COL23A1: variants seen among roughly 807,000 people sequenced by gnomAD.
The protein encoded by COL23A1 is collagen type XXIII alpha 1 chain.
COL23A1 carries 97 observed loss-of-function variants against 99.3 expected under a neutral mutation model. The ratio of observed to expected loss-of-function variants is 0.98; its 90% confidence interval spans 0.83 to 1.16. The LOEUF is 1.16. COL23A1 is among the 50% of genes most tolerant of loss of function. The pLI, the probability that COL23A1 is intolerant of heterozygous loss-of-function variation, is 0.00. For missense variants in COL23A1, 762 were observed against 757.4 expected, an observed-to-expected ratio of 1.01 and a Z score of -0.07; for synonymous variants, 320 against 308.2, an observed-to-expected ratio of 1.04 and a Z score of -0.40.
chr5:178,584,265 C>T (rs1300489641), intron 1 of COL23A1, among the ~76,000 whole-genome samples: 1 of 152,048 alleles, frequency 6.6e-6, no homozygotes, highest in East Asian at 1.9e-4. Flanking sequence ...CCACTTCGGC[C>T]TCCCAAAGTG....
At chr5:178,489,623 A>C (rs1757820038) in intron 2 of COL23A1, among the ~76,000 whole-genome samples, 1 of 152,106 alleles carries the variant, frequency 6.6e-6, no homozygotes, top group South Asian at 2.1e-4. Context: ...AAGGCTGCGG[A>C]CTGTCAAAGA....
At chr5:178,523,201 T>C (rs201397035) in intron 2 of COL23A1, among the ~76,000 whole-genome samples, 1 of 77,618 alleles carries the variant, frequency 1.3e-5, no homozygotes, top group African/African-American at 4.6e-5. Context: ...TATATATATA[T>C]AGAGAGAGAG....
At chr5:178,345,727 G>A (rs372011307) in intron 2 of COL23A1, among the ~76,000 whole-genome samples, 146 of 151,340 alleles carry the variant, frequency 9.6e-4, no homozygotes, top group African/African-American at 3.2e-3. Context: ...GGGTTTCACC[G>A]TGTTAGCCAG....
chr5:178,428,351 G>A lies in COL23A1; in HGVS notation c.362-121432C>T, dbSNP rs1365155000. Among the ~76,000 whole-genome samples the A allele has an allele frequency of 6.6e-6, 1 of 152,232 alleles. No individual in the cohort carries two copies. The highest frequency in any genetic ancestry group is 1.5e-5 in the Non-Finnish European group (1 of 68,038). On this transcript the variant is annotated intron_variant, in intron 2 of 28. Coordinates refer to ENST00000390654, the MANE Select transcript of COL23A1 (RefSeq NM_173465.4). This position sits in a 1 kb window ranked among gnomAD's most constrained non-coding sequence, Gnocchi z 5.0. ...TCCCCTCTAGAACCTGCAGGACCAT[G>A]GAGCCAGCTCTTTGCACGAGGAGGA...
At chr5:178,336,374 G>T (rs1479700156) in intron 2 of COL23A1, among the ~76,000 whole-genome samples, 1 of 152,216 alleles carries the variant, frequency 6.6e-6, no homozygotes, top group African/African-American at 2.4e-5. Flanking sequence ...ACAAAACATG[G>T]TCTATCCATA....
chr5:178,586,543 C>T (rs550305679), intron 1 of COL23A1, among the ~76,000 whole-genome samples: 6 of 151,726 alleles, frequency 4.0e-5, no homozygotes, highest in South Asian at 2.1e-4. Flanking sequence ...GTGAAAGGAA[C>T]GCCCCAATCC....
At chr5:178,563,526 CTTTTTTT>C (rs779487808) in intron 1 of COL23A1, among the ~76,000 whole-genome samples, 1 of 83,230 alleles carries the variant, frequency 1.2e-5, no homozygotes, top group East Asian at 3.6e-4. Context: ...TCAGAACTCA[CTTTTTTT>C]TTTTTTTTTT....
chr5:178,550,577 C>T (rs1294154448), intron 2 of COL23A1, among the ~76,000 whole-genome samples: 2 of 152,086 alleles, frequency 1.3e-5, no homozygotes, highest in African/African-American at 2.4e-5. Context: ...AGTGATGTAT[C>T]GTATTTTTGT....
At chr5:178,259,002 C>T (rs1214607475) in intron 12 of COL23A1, among the ~76,000 whole-genome samples, 4 of 148,856 alleles carry the variant, frequency 2.7e-5, no homozygotes, top group South Asian at 2.1e-4. Flanking sequence ...CTGCAACCTT[C>T]GCTTCCTGGG....
At chr5:178,538,278 T>C (rs1034267174) in intron 2 of COL23A1, among the ~76,000 whole-genome samples, 1 of 152,200 alleles carries the variant, frequency 6.6e-6, no homozygotes, top group African/African-American at 2.4e-5. Context: ...AACGCCTCTC[T>C]ACCTAACTGG....
intron 2 of COL23A1, among the ~76,000 whole-genome samples, chr5:178,352,798 G>C (rs957969634): frequency 1.3e-5 from 2 of 152,210 alleles, no homozygotes; most frequent in Non-Finnish European, 2.9e-5. Flanking sequence ...CTGCTGAGAG[G>C]GGAGTCTCCG....
chr5:178,407,169 G>C (rs1479846585), intron 2 of COL23A1, among the ~76,000 whole-genome samples: 1 of 152,224 alleles, frequency 6.6e-6, no homozygotes, highest in East Asian at 1.9e-4. Flanking sequence ...GCCCCACCCA[G>C]CAAGGGTGGC....
intron 17 of COL23A1, among the ~76,000 whole-genome samples, chr5:178,250,905 C>G (rs1033195936): frequency 6.8e-6 from 1 of 148,112 alleles, no homozygotes; most frequent in African/African-American, 2.5e-5. Context: ...TGCTTGAACC[C>G]GGGAGACAGG....
intron 2 of COL23A1, among the ~76,000 whole-genome samples, chr5:178,541,360 G>A (rs551878418): frequency 6.6e-6 from 1 of 152,198 alleles, no homozygotes; most frequent in Non-Finnish European, 1.5e-5. Flanking sequence ...GGCCAAGGCG[G>A]GTGGATCACT....
At chr5:178,385,142 T>G (rs1438218967) in intron 2 of COL23A1, among the ~76,000 whole-genome samples, 1 of 152,162 alleles carries the variant, frequency 6.6e-6, no homozygotes, top group South Asian at 2.1e-4. Context: ...AGTGTGGGAC[T>G]TGCTGTCTCC....
intron 2 of COL23A1, among the ~76,000 whole-genome samples, chr5:178,495,801 A>T (rs946868527): frequency 6.6e-6 from 1 of 152,156 alleles, no homozygotes; most frequent in African/African-American, 2.4e-5. Context: ...TAGCATTGAC[A>T]ATGGTTAACA....
intron 25 of COL23A1, among the ~76,000 whole-genome samples, chr5:178,243,295 C>T (rs558125431): frequency 6.6e-6 from 1 of 152,078 alleles, no homozygotes; most frequent in African/African-American, 2.4e-5. Flanking sequence ...CAAGACCAGC[C>T]TGGGCAACAC....
chr5:178,322,119 A>C (rs1353356623), intron 2 of COL23A1, among the ~76,000 whole-genome samples: 4 of 151,908 alleles, frequency 2.6e-5, no homozygotes, highest in Non-Finnish European at 5.9e-5. Flanking sequence ...CAGCCTCCCA[A>C]GTAGCTGGGA....
intron 5 of COL23A1, among the ~76,000 whole-genome samples, chr5:178,285,564 A>G (rs911651314): frequency 2.0e-5 from 3 of 152,238 alleles, no homozygotes; most frequent in African/African-American, 7.2e-5. Context: ...AAAGACAGTG[A>G]TATTTATAGA....
Sources: gnomAD v4.1 joint callset for allele counts (sites outside exome capture counted in the v4.1 genomes callset) on GRCh38, gnomAD v4.1.1 for gene constraint, Gnocchi (gnomAD v3.1) non-coding constraint, MANE v1.5 for transcripts, NCBI Gene and HGNC (gene_info 2026-07-23, HGNC 2026-07-21) for gene names.